Variants in KPNA1 observed in about 807,000 individuals in gnomAD.
KPNA1 encodes importin subunit alpha-5.
In KPNA1, 10 loss-of-function variants were observed where a neutral mutation model predicts 70.5. The observed-to-expected ratio is 0.14, with a 90% CI of 0.09 to 0.24. The LOEUF is 0.24. Among genes scored for constraint, KPNA1 ranks in the 10% least tolerant of loss-of-function variants. The probability of loss-of-function intolerance (pLI) is 1.00; values close to 1 mark genes in which losing one functional copy is unlikely to be tolerated. For synonymous variants in KPNA1, 192 were observed against 221.9 expected, an observed-to-expected ratio of 0.87 and a Z score of 1.20; for missense variants, 397 against 637.9, an observed-to-expected ratio of 0.62 and a Z score of 4.07.
intron 2 of KPNA1, among the ~76,000 whole-genome samples, chr3:122,478,767 C>T (rs2076535420): frequency 1.3e-5 from 2 of 148,882 alleles, no homozygotes. Flanking sequence ...TGATAGAAGG[C>T]ACTTGTAATC....
At chr3:122,463,468 C>A (rs1490550801) in intron 4 of KPNA1, among the ~76,000 whole-genome samples, 7 of 151,064 alleles carry the variant, frequency 4.6e-5, no homozygotes, top group Admixed American at 6.6e-5. Context: ...TTGCAGTGAG[C>A]CAAGATCGCG....
chr3:122,491,633 A>G (rs1266643285), intron 2 of KPNA1, among the ~76,000 whole-genome samples: 3 of 152,218 alleles, frequency 2.0e-5, no homozygotes, highest in African/African-American at 7.2e-5. Context: ...GTTGGAAAAC[A>G]TGCAAGTTAT....
intron 10 of KPNA1, among the ~76,000 whole-genome samples, chr3:122,439,215 T>C (rs2076030652): frequency 6.6e-6 from 1 of 152,156 alleles, no homozygotes; most frequent in Non-Finnish European, 1.5e-5. Context: ...CATAGTCTCG[T>C]TCTATCACTA....
At chr3:122,461,187 ATTAAG>A (rs749745255) in intron 5 of KPNA1, 32 bp downstream of exon 5, 9 of 1,308,728 alleles carry the variant, frequency 6.9e-6, no homozygotes, top group East Asian at 2.3e-5. Context: ...TTCAAAAGGA[ATTAAG>A]TTATGAGGCA....
In KPNA1 at chr3:122,467,446, T is replaced by C. The variant is rs371400337; in HGVS notation, c.130-17A>G. The stretch of plus-strand genomic sequence containing the variant: ...CTTGAATAACTGAAAGATAAAAGAT[T>C]GGTAGCAATGTAAATGTAAATTCTA... On this transcript the variant is annotated splice_polypyrimidine_tract_variant and intron_variant, in intron 2 of 13. Coordinates refer to ENST00000344337, the MANE Select transcript of KPNA1 (RefSeq NM_002264.4). The C allele has an allele frequency of 8.0e-6, 12 of 1,495,188 alleles. No homozygotes were observed. The highest frequency in any genetic ancestry group is 6.9e-5 in the African/African-American group (5 of 72,518). 92.6% of individuals were successfully genotyped at this position (1,495,188 alleles called of 1,614,324 possible).
chr3:122,426,755 AAG>A lies in KPNA1; in HGVS notation c.*228_*229del. The stretch of plus-strand genomic sequence containing the variant: ...CCAAAGCCTAGGGATTTTTCCGTAA[AAG>A]AGAGTGGGCCGTTCTGGTTACCCTT... On this transcript the variant is annotated 3_prime_UTR_variant, in exon 14 of 14. Transcript: ENST00000344337. 2.4e-6 allele frequency: 1 copy of A among 418,718 alleles called. No individual in the cohort carries two copies. The highest frequency in any genetic ancestry group is 4.3e-6 in the Non-Finnish European group (1 of 235,068). The allele number at this position is 418,718 out of a possible 1,614,324, so 25.9% of individuals were successfully genotyped here. A position where few individuals can be genotyped will look rare whatever the true frequency, so the allele number is the denominator to read the frequency against.
chr3:122,465,786 A>C (rs11927245), intron 3 of KPNA1, among the ~76,000 whole-genome samples: 34,100 of 152,200 alleles, frequency 0.22, 4,238 homozygotes, highest in Non-Finnish European at 0.27. Context: ...CCTGTAGTCC[A>C]AGTTGGCCTC....
At chr3:122,455,525 A>G (rs2076254933) in intron 5 of KPNA1, among the ~76,000 whole-genome samples, 1 of 152,212 alleles carries the variant, frequency 6.6e-6, no homozygotes, top group South Asian at 2.1e-4. Flanking sequence ...GTCTGAATTA[A>G]AACTTGACAT....
intron 1 of KPNA1, among the ~76,000 whole-genome samples, chr3:122,500,948 TTACTC>T (rs1032825018): frequency 6.6e-6 from 1 of 151,672 alleles, no homozygotes; most frequent in Non-Finnish European, 1.5e-5. Flanking sequence ...TGCTTTAGGT[TTACTC>T]TGCTCTTCTT....
At chr3:122,459,670 T>A (rs1172264970) in intron 5 of KPNA1, 1 of 985,292 alleles carries the variant, frequency 1.0e-6, no homozygotes, top group African/African-American at 1.7e-5. Context: ...AGAATTACAA[T>A]CCAGGAGGCA....
chr3:122,429,530 T>C (rs1463916108), intron 12 of KPNA1, among the ~76,000 whole-genome samples: 1 of 141,202 alleles, frequency 7.1e-6, no homozygotes, highest in Non-Finnish European at 1.6e-5. Flanking sequence ...CAACAGGATA[T>C]ATATGAGGAA....
intron 1 of KPNA1, among the ~76,000 whole-genome samples, chr3:122,504,286 G>C (rs753900890): frequency 6.6e-6 from 1 of 150,538 alleles, no homozygotes; most frequent in Non-Finnish European, 1.5e-5. Context: ...CCCACCTCCT[G>C]GTTCACAGAT....
At chr3:122,469,340 G>C (rs1458014662) in intron 2 of KPNA1, among the ~76,000 whole-genome samples, 1 of 152,100 alleles carries the variant, frequency 6.6e-6, no homozygotes, top group Non-Finnish European at 1.5e-5. Context: ...GACAAGATAA[G>C]GGTAATCACC....
intron 9 of KPNA1, among the ~76,000 whole-genome samples, chr3:122,448,147 G>A (rs1461401621): frequency 2.0e-5 from 3 of 152,162 alleles, no homozygotes; most frequent in Non-Finnish European, 4.4e-5. Context: ...TTACATTGTT[G>A]GTGAGAGTGT....
At chr3:122,429,967 T>TCATTCATTCA (rs2075879118) in intron 12 of KPNA1, among the ~76,000 whole-genome samples, 1 of 152,130 alleles carries the variant, frequency 6.6e-6, no homozygotes, top group African/African-American at 2.4e-5. Context: ...TTCATTCATG[T>TCATTCATTCA]ATGTCTGACT....
intron 12 of KPNA1, chr3:122,433,319 T>G (rs1232653323): frequency 5.2e-6 from 1 of 193,686 alleles, no homozygotes; most frequent in Non-Finnish European, 1.0e-5. Flanking sequence ...TAACCTATAT[T>G]ACCCAAGATA....
chr3:122,437,833 A>G (rs982778123), intron 10 of KPNA1, among the ~76,000 whole-genome samples: 11 of 112,936 alleles, frequency 9.7e-5, no homozygotes, highest in Non-Finnish European at 1.2e-4. Context: ...CTAAAATAAT[A>G]TAAGTTTGAT....
chr3:122,494,409 T>C (rs995103364), intron 2 of KPNA1, among the ~76,000 whole-genome samples: 1 of 152,204 alleles, frequency 6.6e-6, no homozygotes, highest in Non-Finnish European at 1.5e-5. Context: ...CAGTATATAC[T>C]TTTGCCAACT....
At chr3:122,511,548 C>T (rs2076955352) in intron 1 of KPNA1, among the ~76,000 whole-genome samples, 1 of 152,166 alleles carries the variant, frequency 6.6e-6, no homozygotes, top group African/African-American at 2.4e-5. Context: ...GTCTTCATCC[C>T]TACTCTTCCA....
Sources: allele counts gnomAD v4.1 joint callset (sites outside exome capture counted in the v4.1 genomes callset), GRCh38; gene constraint gnomAD v4.1.1; transcripts MANE v1.5; gene names NCBI Gene and HGNC (gene_info 2026-07-23, HGNC 2026-07-21).